The following TRAPPC12 variants were observed in gnomAD, a reference collection of about 807,000 sequenced individuals.
The protein encoded by TRAPPC12 is trafficking protein particle complex subunit 12.
A neutral mutation model predicts 69.2 loss-of-function variants in TRAPPC12; 61 were observed. The observed-to-expected ratio is 0.88, with a 90% CI of 0.72 to 1.09. The LOEUF (loss-of-function observed/expected upper bound fraction) is 1.09, where lower values mean the gene tolerates loss of function less well. TRAPPC12 is among the 50% of genes least tolerant of loss of function. The pLI is 0.00. For synonymous variants in TRAPPC12, 469 were observed against 438.9 expected (o/e 1.07, Z -0.86); for missense variants, 1,101 against 1,016.4 (o/e 1.08, Z -1.13).
chr2:3,448,088 A>G (rs1558390640), intron 6 of TRAPPC12, among the ~76,000 whole-genome samples: 1 of 152,164 alleles, frequency 6.6e-6, no homozygotes, highest in Non-Finnish European at 1.5e-5. Flanking sequence ...TGAGGTGCTG[A>G]ATGCATTATG....
intron 5 of TRAPPC12, among the ~76,000 whole-genome samples, chr2:3,440,362 T>C (rs920829985): frequency 3.9e-5 from 6 of 152,368 alleles, no homozygotes; most frequent in Non-Finnish European, 5.9e-5. Context: ...TGTGAATTTT[T>C]TCATCAGAGT....
chr2:3,392,887 T>A (rs1362422717), intron 2 of TRAPPC12, among the ~76,000 whole-genome samples: 1 of 152,240 alleles, frequency 6.6e-6, no homozygotes, highest in Non-Finnish European at 1.5e-5. Flanking sequence ...CGCTCCATGC[T>A]CACTGCAGAA....
chr2:3,468,449 A>C (rs35759059), intron 9 of TRAPPC12, among the ~76,000 whole-genome samples: 18,482 of 152,076 alleles, frequency 0.12, 1,283 homozygotes, highest in South Asian at 0.2. Flanking sequence ...GCCTGCCGTG[A>C]GCAGTCATCA....
intron 1 of TRAPPC12, among the ~76,000 whole-genome samples, chr2:3,382,368 C>T (rs547903984): frequency 1.1e-4 from 17 of 152,170 alleles, no homozygotes; most frequent in East Asian, 3.9e-4. Flanking sequence ...CTCCTGACCT[C>T]GTGGTCCGCC....
In TRAPPC12 at chr2:3,478,846, C is replaced by T. The variant is rs780465916; in HGVS notation, c.1878C>T (p.Ser626=). ...ACTGCCACCGTTGCTTGTGTTACAG[C>T]GCGTTCCTTCACCTCGGGCAGAATA... ...LQGKIMVLMN[S]AFLHLGQNNF... is the part of the protein sequence containing the mutation. The change falls in exon 11 of 12, where the codon AGC becomes AGT. Residue 626 remains serine, a splice_region_variant and synonymous_variant. Coordinates refer to ENST00000324266, the MANE Select transcript of TRAPPC12 (RefSeq NM_016030.6). 2.2e-5 allele frequency: 36 copies of T among 1,613,826 alleles called. No homozygotes were observed. Among genetic ancestry groups the T allele is most frequent in the East Asian group, 6.7e-5 (3 of 44,876 alleles).
Position 3,387,701 on chromosome 2 carries a change from G to A in TRAPPC12, c.78G>A (p.Glu26=). 6.3e-7 allele frequency: 1 copy of A among 1,584,910 alleles called. No individual in the cohort carries two copies. Among genetic ancestry groups the A allele is most frequent in the African/African-American group, 1.3e-5 (1 of 74,076 alleles). Residue 26 remains glutamate, a synonymous_variant, in exon 2 of 12, where the codon GAG becomes GAA. Transcript: ENST00000324266. ...CCCCTCAGCTCGCGCCTCCGGAGGA[G>A]CAGGGGTTGCTCTTCCAGGAGGAAA... The part of the protein sequence containing the change: ...PHPPQLAPPE[E]QGLLFQEETI...
intron 3 of TRAPPC12, among the ~76,000 whole-genome samples, chr2:3,419,974 T>C (rs1662683626): frequency 6.6e-6 from 1 of 152,168 alleles, no homozygotes; most frequent in African/African-American, 2.4e-5. Context: ...CTAAACATAC[T>C]CTTAGGTACA....
intron 5 of TRAPPC12, among the ~76,000 whole-genome samples, chr2:3,425,682 T>TCAGC (rs1663063985): frequency 6.6e-6 from 1 of 152,186 alleles, no homozygotes; most frequent in Admixed American, 6.5e-5. Context: ...TCAGCATTTG[T>TCAGC]TGGCTGCAGC....
chr2:3,452,759 C>T (rs936205069), intron 6 of TRAPPC12, among the ~76,000 whole-genome samples: 7 of 152,224 alleles, frequency 4.6e-5, no homozygotes, highest in African/African-American at 1.4e-4. Flanking sequence ...CATTGCTCCC[C>T]GATCCCACAT....
intron 2 of TRAPPC12, among the ~76,000 whole-genome samples, chr2:3,396,999 G>A (rs1661170675): frequency 6.6e-6 from 1 of 152,068 alleles, no homozygotes; most frequent in Admixed American, 6.5e-5. Flanking sequence ...AAAAAGGAAA[G>A]AAAGAAAAGA....
intron 9 of TRAPPC12, among the ~76,000 whole-genome samples, chr2:3,470,265 A>G (rs765539115): frequency 1.3e-5 from 2 of 152,238 alleles, no homozygotes; most frequent in Non-Finnish European, 2.9e-5. Flanking sequence ...GAGAAGGCAG[A>G]TTTCCAGCTC....
intron 8 of TRAPPC12, among the ~76,000 whole-genome samples, chr2:3,461,268 C>T (rs546989386): frequency 1.2e-4 from 19 of 152,318 alleles, no homozygotes; most frequent in Non-Finnish European, 1.9e-4. Flanking sequence ...GGCACTGCTC[C>T]GAGCAGGCTG....
At chr2:3,453,504 C>T (rs1664963729) in intron 6 of TRAPPC12, among the ~76,000 whole-genome samples, 1 of 152,204 alleles carries the variant, frequency 6.6e-6, no homozygotes, top group Non-Finnish European at 1.5e-5. Context: ...CTGTCCTCTT[C>T]CTCCTATGCC....
intron 1 of TRAPPC12, among the ~76,000 whole-genome samples, chr2:3,386,613 G>C (rs1330003416): frequency 6.6e-6 from 1 of 152,110 alleles, no homozygotes; most frequent in Non-Finnish European, 1.5e-5. Flanking sequence ...TCAGTGCTTA[G>C]TGAGTGTGCT....
chr2:3,425,609 C>T (rs1663057796), intron 5 of TRAPPC12, among the ~76,000 whole-genome samples: 1 of 152,216 alleles, frequency 6.6e-6, no homozygotes, highest in African/African-American at 2.4e-5. Flanking sequence ...TTTTCTTACT[C>T]TCTTCCGAAT....
At chr2:3,380,761 G>A (rs1660170312) in intron 1 of TRAPPC12, among the ~76,000 whole-genome samples, 1 of 152,108 alleles carries the variant, frequency 6.6e-6, no homozygotes, top group Admixed American at 6.6e-5. Context: ...TACTAAACTG[G>A]GTGTTGCCAC....
intron 2 of TRAPPC12, among the ~76,000 whole-genome samples, chr2:3,392,874 C>G (rs773647784): frequency 3.3e-5 from 5 of 152,352 alleles, no homozygotes; most frequent in Middle Eastern, 6.8e-3. Context: ...AGAGAGATGC[C>G]TGCGCTCCAT....
At chr2:3,457,723 G>C in intron 7 of TRAPPC12, 30 bp downstream of exon 7, 1 of 1,606,264 alleles carries the variant, frequency 6.2e-7, no homozygotes, top group Middle Eastern at 1.7e-4. Flanking sequence ...CTGACTAGAT[G>C]CTTCTCGGAC....
At chr2:3,404,879 C>T (rs1193168377) in intron 3 of TRAPPC12, among the ~76,000 whole-genome samples, 2 of 116,510 alleles carry the variant, frequency 1.7e-5, no homozygotes, top group Non-Finnish European at 3.5e-5. Flanking sequence ...GAGTGGGGGG[C>T]GGTTACGGGG....
Sources: allele counts gnomAD v4.1 joint callset (sites outside exome capture counted in the v4.1 genomes callset), GRCh38; gene constraint gnomAD v4.1.1; transcripts MANE v1.5; gene names NCBI Gene and HGNC (gene_info 2026-07-23, HGNC 2026-07-21).